The following SNTG1 variants were observed in gnomAD, a reference collection of about 807,000 sequenced individuals.
SNTG1 encodes syntrophin gamma 1, also known as gamma-1-syntrophin.
SNTG1 carries 39 observed loss-of-function variants against 74.7 expected under a neutral mutation model. The ratio of observed to expected loss-of-function variants is 0.52; its 90% confidence interval spans 0.40 to 0.68. The LOEUF (loss-of-function observed/expected upper bound fraction) is 0.68, where lower values mean the gene tolerates loss of function less well. Ranked by LOEUF, SNTG1 falls within the 30% of genes least tolerant of loss-of-function variation. SNTG1 has a pLI of 0.00. For synonymous variants in SNTG1, 254 were observed against 217.1 expected, an observed-to-expected ratio of 1.17 and a Z score of -1.49; for missense variants, 685 against 609.5, an observed-to-expected ratio of 1.12 and a Z score of -1.30.
At chr8:50,616,493 T>C (rs980020984) in intron 13 of SNTG1, among the ~76,000 whole-genome samples, 14 of 152,132 alleles carry the variant, frequency 9.2e-5, no homozygotes, top group Non-Finnish European at 1.5e-4. Context: ...CAGAAAGGAA[T>C]TGCCACTGAC....
At chr8:50,203,490 A>G (rs543366889) in intron 2 of SNTG1, among the ~76,000 whole-genome samples, 1 of 152,248 alleles carries the variant, frequency 6.6e-6, no homozygotes, top group African/African-American at 2.4e-5. Context: ...TAAGGAGTGG[A>G]GTAGCTATTT....
intron 2 of SNTG1, among the ~76,000 whole-genome samples, chr8:50,233,125 A>C (rs768107461): frequency 1.3e-5 from 2 of 151,664 alleles, no homozygotes; most frequent in African/African-American, 4.8e-5. Context: ...GAAAAGAAAG[A>C]ATAAAGCAGG....
chr8:50,064,357 C>A (rs771964050), intron 1 of SNTG1, among the ~76,000 whole-genome samples: 11 of 152,108 alleles, frequency 7.2e-5, no homozygotes, highest in Non-Finnish European at 1.6e-4. Flanking sequence ...GCAGAAAGCT[C>A]TTCATTCTCT....
intron 1 of SNTG1, among the ~76,000 whole-genome samples, chr8:49,993,131 G>C (rs1429853169): frequency 2.0e-5 from 3 of 151,848 alleles, no homozygotes; most frequent in Non-Finnish European, 4.4e-5. Flanking sequence ...GATACATAAG[G>C]GTTTTATTCA....
chr8:50,073,231 CTTG>C (rs1266767413), intron 1 of SNTG1, among the ~76,000 whole-genome samples: 4 of 152,206 alleles, frequency 2.6e-5, no homozygotes, highest in South Asian at 2.1e-4. Context: ...TTCTAAACCA[CTTG>C]TTGTCATTTT....
intron 4 of SNTG1, among the ~76,000 whole-genome samples, chr8:50,422,761 G>T (rs2093109591): frequency 6.6e-6 from 1 of 152,226 alleles, no homozygotes; most frequent in Non-Finnish European, 1.5e-5. Context: ...CCAATCTTAG[G>T]TTTGACAATA....
chr8:50,375,320 A>G (rs1054521214), intron 2 of SNTG1, among the ~76,000 whole-genome samples: 8 of 151,986 alleles, frequency 5.3e-5, no homozygotes, highest in Admixed American at 4.6e-4. Flanking sequence ...TGCTGGGGCA[A>G]TGGGACATGC....
At chr8:50,403,452 G>T (rs942310714) in intron 4 of SNTG1, among the ~76,000 whole-genome samples, 3 of 152,260 alleles carry the variant, frequency 2.0e-5, no homozygotes, top group African/African-American at 4.8e-5. Flanking sequence ...TTCCCATGGG[G>T]TTGTCCTTTC....
intron 5 of SNTG1, among the ~76,000 whole-genome samples, chr8:50,443,547 C>G (rs1056409687): frequency 6.6e-6 from 1 of 152,094 alleles, no homozygotes; most frequent in African/African-American, 2.4e-5. Flanking sequence ...GTGCCAGTTT[C>G]TGAGCTAAAT....
At chr8:50,530,115 G>A (rs1203029381) in intron 9 of SNTG1, 62 bp from the exon 10 acceptor site, 2 of 1,264,790 alleles carry the variant, frequency 1.6e-6, no homozygotes, top group East Asian at 4.6e-5. Flanking sequence ...GTAATGGAAT[G>A]CATCAGTTTA....
At chr8:50,540,190 T>A (rs1345678908) in intron 11 of SNTG1, among the ~76,000 whole-genome samples, 3 of 152,192 alleles carry the variant, frequency 2.0e-5, no homozygotes, top group Non-Finnish European at 1.5e-5. Context: ...GAATAAGAAA[T>A]CCACAAGTAT....
intron 11 of SNTG1, among the ~76,000 whole-genome samples, chr8:50,538,814 C>A (rs1994161): frequency 6.6e-6 from 1 of 152,102 alleles, no homozygotes; most frequent in Non-Finnish European, 1.5e-5. Flanking sequence ...TCTGTTGATG[C>A]AAATATTAAC....
At chr8:50,239,238 C>A (rs564493433) in intron 2 of SNTG1, among the ~76,000 whole-genome samples, 1 of 152,318 alleles carries the variant, frequency 6.6e-6, no homozygotes, top group Non-Finnish European at 1.5e-5. Flanking sequence ...GGGAATCAAC[C>A]TAGATGCCCA....
intron 2 of SNTG1, among the ~76,000 whole-genome samples, chr8:50,219,862 A>C (rs1408518793): frequency 1.3e-5 from 2 of 152,182 alleles, no homozygotes; most frequent in Non-Finnish European, 2.9e-5. Context: ...TAAAAGGCAA[A>C]TGATAGAAAA....
chr8:50,047,339 A>C (rs1311909125), intron 1 of SNTG1, among the ~76,000 whole-genome samples: 1 of 152,120 alleles, frequency 6.6e-6, no homozygotes, highest in Non-Finnish European at 1.5e-5. Flanking sequence ...GCTGCCAAAA[A>C]AAAAAATTTT....
intron 2 of SNTG1, among the ~76,000 whole-genome samples, chr8:50,287,649 A>T (rs2088858503): frequency 6.6e-6 from 1 of 152,068 alleles, no homozygotes; most frequent in Non-Finnish European, 1.5e-5. Flanking sequence ...TCTTATACCC[A>T]ACCTGTCTTC....
intron 16 of SNTG1, among the ~76,000 whole-genome samples, chr8:50,705,619 G>A (rs2095440965): frequency 6.6e-6 from 1 of 151,748 alleles, no homozygotes; most frequent in Non-Finnish European, 1.5e-5. Flanking sequence ...GCAGTGACAT[G>A]TGCTTGTTAT....
At chr8:49,981,776 T>C (rs1468822569) in intron 1 of SNTG1, among the ~76,000 whole-genome samples, 1 of 152,188 alleles carries the variant, frequency 6.6e-6, no homozygotes, top group African/African-American at 2.4e-5. Context: ...ATATAAAATA[T>C]TTTGCTTTCA....
At chr8:50,736,684 A>T (rs35851691) in intron 17 of SNTG1, among the ~76,000 whole-genome samples, 1 of 151,680 alleles carries the variant, frequency 6.6e-6, no homozygotes, top group Non-Finnish European at 1.5e-5. Flanking sequence ...AAGAAAAAAC[A>T]CTCCCCAGCA....
Sources: allele counts gnomAD v4.1 joint callset (sites outside exome capture counted in the v4.1 genomes callset), GRCh38; gene constraint gnomAD v4.1.1; transcripts MANE v1.5; gene names NCBI Gene and HGNC (gene_info 2026-07-23, HGNC 2026-07-21).